SCFD2: variants seen among roughly 807,000 people sequenced by gnomAD.
The protein encoded by SCFD2 is sec1 family domain containing 2.
Under a neutral mutation model 58.9 loss-of-function variants are expected in SCFD2, and 54 were observed. The ratio of observed to expected loss-of-function variants is 0.92; its 90% CI spans 0.74 to 1.15. The LOEUF is 1.15. SCFD2 is among the 50% of genes most tolerant of loss of function. SCFD2 has a pLI of 0.00. For missense variants in SCFD2, 805 were observed against 836.6 expected (o/e 0.96, Z 0.47); for synonymous variants, 321 against 335.9 (o/e 0.96, Z 0.49).
intron 5 of SCFD2, among the ~76,000 whole-genome samples, chr4:53,001,465 T>A (rs1247568338): frequency 6.6e-6 from 1 of 152,196 alleles, no homozygotes; most frequent in Non-Finnish European, 1.5e-5. Context: ...ATTTGTAATT[T>A]AAAAAATACA....
chr4:53,322,746 T>C (rs1366721256), intron 2 of SCFD2, among the ~76,000 whole-genome samples: 2 of 152,268 alleles, frequency 1.3e-5, no homozygotes, highest in Non-Finnish European at 1.5e-5. Flanking sequence ...CACATTTTTC[T>C]GACTCTAAAG....
At chr4:53,264,271 G>A (rs776967935) in intron 4 of SCFD2, among the ~76,000 whole-genome samples, 1 of 152,106 alleles carries the variant, frequency 6.6e-6, no homozygotes, top group Non-Finnish European at 1.5e-5. Context: ...GCATCTCAGG[G>A]AGCCTGCAGT....
At position 53,092,375 on chromosome 4, in the gene SCFD2, C is replaced by A. The variant is rs139386778; in HGVS notation, c.1561+52958G>T. 3.1e-3 allele frequency among the ~76,000 whole-genome samples: 474 copies of A among 152,230 alleles called. 1 individual carries two copies. The highest frequency in any genetic ancestry group is 0.011 in the African/African-American group (440 of 41,566). On this transcript the variant is annotated intron_variant, in intron 5 of 8. Transcript: ENST00000401642. ...ATAATGGTACAGCCACTCTGAAAAA[C>A]AGTTGGGCAATTTCTTTAAAAAATA...
intron 5 of SCFD2, among the ~76,000 whole-genome samples, chr4:53,018,072 T>C (rs1287518806): frequency 6.6e-6 from 1 of 152,200 alleles, no homozygotes; most frequent in Non-Finnish European, 1.5e-5. Context: ...TATGCGTTTG[T>C]TTGTTGTCTT....
chr4:53,177,688 C>G (rs908234420), intron 4 of SCFD2, among the ~76,000 whole-genome samples: 1 of 152,056 alleles, frequency 6.6e-6, no homozygotes, highest in Non-Finnish European at 1.5e-5. Flanking sequence ...TGCAGCGCAC[C>G]GTGTGCGAGC....
At chr4:53,002,988 C>T (rs1273074670) in intron 5 of SCFD2, among the ~76,000 whole-genome samples, 1 of 152,174 alleles carries the variant, frequency 6.6e-6, no homozygotes, top group East Asian at 1.9e-4. Flanking sequence ...AACCAGATCT[C>T]ATGACAATTC....
chr4:53,273,566 G>A, intron 4 of SCFD2: 1 of 304,336 alleles, frequency 3.3e-6, no homozygotes, highest in Non-Finnish European at 6.0e-6. Flanking sequence ...TGAAAGAGGT[G>A]TCCAGAGGTT....
At chr4:53,007,409 G>GGAAGGAAGGAAGGAAGGAAT (rs1722002086) in intron 5 of SCFD2, among the ~76,000 whole-genome samples, 1 of 131,056 alleles carries the variant, frequency 7.6e-6, no homozygotes, top group Admixed American at 7.8e-5. Context: ...AAGGAAGGGA[G>GGAAGGAAGGAAGGAAGGAAT]GGAGGGAGGG....
intron 3 of SCFD2, among the ~76,000 whole-genome samples, chr4:53,293,807 G>A (rs533442626): frequency 2.0e-5 from 3 of 152,136 alleles, no homozygotes; most frequent in East Asian, 1.9e-4. Flanking sequence ...AGGTATACAC[G>A]TGCCATGGTG....
intron 2 of SCFD2, among the ~76,000 whole-genome samples, chr4:53,346,227 T>C (rs1178254698): frequency 6.6e-6 from 1 of 152,034 alleles, no homozygotes; most frequent in Non-Finnish European, 1.5e-5. Flanking sequence ...ATAAGGCTTT[T>C]CATGGATTTA....
chr4:53,344,759 C>T (rs571488180), intron 2 of SCFD2, among the ~76,000 whole-genome samples: 6 of 152,134 alleles, frequency 3.9e-5, no homozygotes, highest in African/African-American at 7.2e-5. Flanking sequence ...GATATATAGA[C>T]CAATGGAACA....
At chr4:53,017,444 G>A (rs2148811557) in intron 5 of SCFD2, among the ~76,000 whole-genome samples, 1 of 152,296 alleles carries the variant, frequency 6.6e-6, no homozygotes, top group East Asian at 1.9e-4. Context: ...TAGTAAAGAT[G>A]ACAGATGAAA....
chr4:53,237,842 C>T (rs1311198696), intron 4 of SCFD2, among the ~76,000 whole-genome samples: 2 of 5,326 alleles, frequency 3.8e-4, no homozygotes, highest in East Asian at 5.4e-3. Flanking sequence ...CCAGTAGGGG[C>T]GGCCGGGCAG....
chr4:52,925,849 C>T (rs947671247), intron 5 of SCFD2, among the ~76,000 whole-genome samples: 7 of 152,158 alleles, frequency 4.6e-5, no homozygotes, highest in East Asian at 3.9e-4. Context: ...CTTCCATAAC[C>T]GGGGGATGAC....
chr4:53,238,261 G>A (rs1271849145), intron 4 of SCFD2, among the ~76,000 whole-genome samples: 4 of 127,378 alleles, frequency 3.1e-5, no homozygotes, highest in African/African-American at 9.0e-5. Flanking sequence ...CGGCCAGGCA[G>A]AGGCGCCCCT....
chr4:53,337,336 CTTAATTACCTCT>C (rs1399611668), intron 2 of SCFD2, among the ~76,000 whole-genome samples: 6 of 152,168 alleles, frequency 3.9e-5, no homozygotes, highest in South Asian at 2.1e-4. Flanking sequence ...TATTTTACCT[CTTAATTACCTCT>C]TTAATTACCT....
chr4:52,914,162 T>G (rs1719550620), intron 6 of SCFD2, among the ~76,000 whole-genome samples: 1 of 152,216 alleles, frequency 6.6e-6, no homozygotes, highest in Admixed American at 6.5e-5. Context: ...AATGTCAAAC[T>G]ATGCAGCCAG....
At chr4:53,214,687 T>C (rs1267391971) in intron 4 of SCFD2, among the ~76,000 whole-genome samples, 2 of 152,170 alleles carry the variant, frequency 1.3e-5, no homozygotes, top group Non-Finnish European at 1.5e-5. Context: ...TTGGCTTTTG[T>C]TGCCATTGCT....
intron 4 of SCFD2, among the ~76,000 whole-genome samples, chr4:53,171,845 C>T (rs1158252417): frequency 2.6e-5 from 4 of 151,688 alleles, no homozygotes; most frequent in East Asian, 1.9e-4. Context: ...AATGTCTTCT[C>T]GTTAATTTCT....
Sources: allele counts gnomAD v4.1 joint callset (sites outside exome capture counted in the v4.1 genomes callset), GRCh38; gene constraint gnomAD v4.1.1; transcripts MANE v1.5; gene names NCBI Gene and HGNC (gene_info 2026-07-23, HGNC 2026-07-21).